The following WDR64 variants were observed in gnomAD, a reference collection of about 807,000 sequenced individuals.
The protein encoded by WDR64 is WD repeat domain 64.
Under a neutral mutation model 139.3 loss-of-function variants are expected in WDR64, and 112 were observed. The observed-to-expected ratio is 0.80, with a 90% CI of 0.69 to 0.94. The LOEUF is 0.94. Among genes scored for constraint, WDR64 ranks in the 40% least tolerant of loss-of-function variants. The pLI is 0.00. For synonymous variants in WDR64, 444 were observed against 437.7 expected (o/e 1.01, Z -0.18); for missense variants, 1,206 against 1,293.1 (o/e 0.93, Z 1.03).
rs561999189 is a variant in WDR64 at position 241,797,014 on chromosome 1, T to A, written c.3192+644T>A. Among the ~76,000 whole-genome samples the A allele has an allele frequency of 1.1e-4, 17 of 152,318 alleles. 1 individual carries two copies. In the Middle Eastern group the frequency reaches 0.01, roughly 91 times the overall value. The stretch of plus-strand genomic sequence containing the variant: ...GGAGGGCTGTATAACCATCCTTGTG[T>A]CTTAATTTGGTTGTACCTACAGAGT... On this transcript the variant is annotated intron_variant, in intron 27 of 27. Transcript: ENST00000437684.
intron 8 of WDR64, among the ~76,000 whole-genome samples, chr1:241,693,631 T>C (rs1188479040): frequency 6.6e-6 from 1 of 152,196 alleles, no homozygotes; most frequent in African/African-American, 2.4e-5. Flanking sequence ...ACTGTGCATG[T>C]GTGGGGACAG....
Position 241,738,355 on chromosome 1 carries a change from T to C in WDR64, c.1195-8T>C. The stretch of plus-strand genomic sequence containing the variant: ...AATAGTGGTAAACTGTGTTTGTTAT[T>C]CTTCCAGGTTTTCCGGGTGTGGGAT... On this transcript the variant is annotated splice_polypyrimidine_tract_variant and splice_region_variant and intron_variant, in intron 10 of 27. Coordinates refer to ENST00000437684, the MANE Select transcript of WDR64 (RefSeq NM_001367482.1). 1 of 1,611,144 alleles carries C rather than the reference T, an allele frequency of 6.2e-7. No individual in the cohort carries two copies. The highest frequency in any genetic ancestry group is 8.5e-7 in the Non-Finnish European group (1 of 1,179,152).
At chr1:241,729,003 TA>T (rs921328574) in intron 10 of WDR64, among the ~76,000 whole-genome samples, 8 of 152,056 alleles carry the variant, frequency 5.3e-5, no homozygotes, top group Non-Finnish European at 1.0e-4. Flanking sequence ...CAGTTATCTT[TA>T]AAAAAAATTC....
rs117882553 is a variant in WDR64 at position 241,802,054 on chromosome 1, T to C, written c.*839T>C. 6.6e-4 allele frequency: 262 copies of C among 397,876 alleles called. 1 individual carries two copies. The East Asian group carries it at 6.8e-3, about 10-fold the overall frequency. 24.6% of individuals were successfully genotyped at this position (397,876 alleles called of 1,614,324 possible). A position where few individuals can be genotyped will look rare whatever the true frequency, so the allele number is the denominator to read the frequency against. Reference sequence around the variant, plus strand: ...AACCTAAAGAAAATCAATATAGCCATATTAATATTAAAATACACTTTAAGA... The same window carrying C: ...AACCTAAAGAAAATCAATATAGCCACATTAATATTAAAATACACTTTAAGA... On this transcript the variant is annotated 3_prime_UTR_variant, in exon 28 of 28. Coordinates refer to ENST00000437684, the MANE Select transcript of WDR64 (RefSeq NM_001367482.1).
At chr1:241,681,102 C>T (rs909612881) in intron 6 of WDR64, among the ~76,000 whole-genome samples, 2 of 152,062 alleles carry the variant, frequency 1.3e-5, no homozygotes, top group African/African-American at 4.8e-5. Flanking sequence ...CTCTCTCTCT[C>T]TCTCTTTAAA....
At chr1:241,673,233 T>C (rs2148076139) in intron 3 of WDR64, among the ~76,000 whole-genome samples, 1 of 151,554 alleles carries the variant, frequency 6.6e-6, no homozygotes, top group East Asian at 2.0e-4. Flanking sequence ...TAATGCTAAA[T>C]GACGAGTTAA....
At chr1:241,757,629 C>A (rs1226159761) in intron 15 of WDR64, among the ~76,000 whole-genome samples, 170 bp downstream of exon 15, 1 of 150,748 alleles carries the variant, frequency 6.6e-6, no homozygotes, top group Non-Finnish European at 1.5e-5. Flanking sequence ...CTCTTCACCA[C>A]GACCACCACC....
At chr1:241,706,199 A>G (rs1667947356) in intron 8 of WDR64, among the ~76,000 whole-genome samples, 1 of 152,192 alleles carries the variant, frequency 6.6e-6, no homozygotes. Flanking sequence ...AGCTGTGCCT[A>G]AGGATCAGGT....
At chr1:241,782,660 C>T (rs1341712740) in intron 22 of WDR64, among the ~76,000 whole-genome samples, 1 of 152,176 alleles carries the variant, frequency 6.6e-6, no homozygotes, top group African/African-American at 2.4e-5. Context: ...CCTGAAGAAA[C>T]ATAAACAATG....
intron 27 of WDR64, among the ~76,000 whole-genome samples, 196 bp from the exon 28 acceptor site, chr1:241,800,936 A>C (rs754720045): frequency 2.0e-4 from 31 of 152,044 alleles, no homozygotes; most frequent in South Asian, 6.2e-4. Context: ...TGTCCACCGC[A>C]TCCTTCAGGA....
At chr1:241,658,074 G>C (rs1341571897) in intron 1 of WDR64, among the ~76,000 whole-genome samples, 1 of 152,198 alleles carries the variant, frequency 6.6e-6, no homozygotes. Flanking sequence ...CCTGAGGGCA[G>C]GGATCTTGCT....
intron 10 of WDR64, among the ~76,000 whole-genome samples, chr1:241,734,409 T>C (rs766769411): frequency 5.9e-5 from 9 of 152,156 alleles, no homozygotes; most frequent in African/African-American, 2.2e-4. Flanking sequence ...CTCTCAGATA[T>C]TTGGGCTTCA....
At chr1:241,741,887 C>T (rs12085454) in intron 12 of WDR64, among the ~76,000 whole-genome samples, 12,280 of 152,108 alleles carry the variant, frequency 0.081, 1,698 homozygotes, top group African/African-American at 0.28. Context: ...TGAATAAACA[C>T]AGCTAGTTTT....
At chr1:241,686,757 C>T (rs1288974703) in intron 7 of WDR64, among the ~76,000 whole-genome samples, 1 of 152,086 alleles carries the variant, frequency 6.6e-6, no homozygotes, top group African/African-American at 2.4e-5. Context: ...TTTACATTGC[C>T]CAGTACTTCA....
At chr1:241,699,936 T>A (rs915594295) in intron 8 of WDR64, among the ~76,000 whole-genome samples, 4 of 151,930 alleles carry the variant, frequency 2.6e-5, no homozygotes, top group African/African-American at 9.7e-5. Flanking sequence ...AAAATGTTTT[T>A]GACAGCAGAT....
intron 21 of WDR64, among the ~76,000 whole-genome samples, chr1:241,777,216 G>A (rs937738547): frequency 6.6e-6 from 1 of 151,268 alleles, no homozygotes; most frequent in African/African-American, 2.4e-5. Context: ...TCAGCCTCCT[G>A]AGTAGCTAAG....
chr1:241,758,798 C>T (rs1466983093), intron 15 of WDR64, among the ~76,000 whole-genome samples: 1 of 152,066 alleles, frequency 6.6e-6, no homozygotes, highest in African/African-American at 2.4e-5. Context: ...CTTTCCAGAT[C>T]TAAAATCCAC....
chr1:241,787,356 T>G (rs1446040398), intron 23 of WDR64, among the ~76,000 whole-genome samples: 59 of 80,544 alleles, frequency 7.3e-4, no homozygotes, highest in African/African-American at 3.1e-3. Context: ...AGAGCGAGAC[T>G]CCTCAAAAAA....
Position 241,660,744 on chromosome 1 carries a change from G to A in WDR64, c.276+84G>A, listed in dbSNP as rs1573984713. 12 of 1,461,718 alleles carry A rather than the reference G, an allele frequency of 8.2e-6. No individual in the cohort carries two copies. In the East Asian group the frequency reaches 2.0e-4, roughly 24 times the overall value. The allele number at this position is 1,461,718 out of a possible 1,614,324, so 90.5% of individuals were successfully genotyped here. ...TAAATAATTAAAACAAAGTGTTACT[G>A]CCACAGGGGTTGAACCACAACGTGC... is the stretch of plus-strand genomic sequence containing the variant. On this transcript the variant is annotated intron_variant, in intron 2 of 27. Transcript: ENST00000437684.
Sources: gnomAD v4.1 joint callset for allele counts (sites outside exome capture counted in the v4.1 genomes callset) on GRCh38, gnomAD v4.1.1 for gene constraint, MANE v1.5 for transcripts, NCBI Gene and HGNC (gene_info 2026-07-23, HGNC 2026-07-21) for gene names.